The following PLXDC1 variants were observed in gnomAD, a reference collection of about 807,000 sequenced individuals.
The protein encoded by PLXDC1 is plexin domain containing 1.
A neutral mutation model predicts 61.3 loss-of-function variants in PLXDC1; 39 were observed. The observed-to-expected ratio is 0.64, with a 90% CI of 0.49 to 0.83. PLXDC1 has a LOEUF of 0.83. Ranked by LOEUF, PLXDC1 falls within the 40% of genes least tolerant of loss-of-function variation. The probability of loss-of-function intolerance (pLI) is 0.00; values close to 1 mark genes in which losing one functional copy is unlikely to be tolerated. For synonymous variants in PLXDC1, 212 were observed against 254.5 expected, an observed-to-expected ratio of 0.83 and a Z score of 1.59; for missense variants, 596 against 666.5, an observed-to-expected ratio of 0.89 and a Z score of 1.17.
chr17:39,109,243 C>T lies in PLXDC1; in HGVS notation c.399+5G>A, dbSNP rs754115928. Reference sequence around the variant, plus strand: ...GGAAGCATGGCTGGCGACTGGGGCACTCACCGAAGCCTGCCGGTGGGTGTT... The same window carrying T: ...GGAAGCATGGCTGGCGACTGGGGCATTCACCGAAGCCTGCCGGTGGGTGTT... On this transcript the variant is annotated splice_donor_5th_base_variant and intron_variant, in intron 3 of 13. Coordinates refer to ENST00000315392, the MANE Select transcript of PLXDC1 (RefSeq NM_020405.5). 18 of 1,602,096 alleles carry T rather than the reference C, an allele frequency of 1.1e-5. No homozygotes were observed. The South Asian group carries it at 2.0e-4, about 18-fold the overall frequency.
At chr17:39,087,237 T>G (rs560756831) in intron 8 of PLXDC1, among the ~76,000 whole-genome samples, 53 of 152,280 alleles carry the variant, frequency 3.5e-4, no homozygotes, top group African/African-American at 1.3e-3. Flanking sequence ...CTGAGGCCCG[T>G]CTAGTTCCTG....
intron 11 of PLXDC1, 130 bp from the exon 12 acceptor site, chr17:39,072,615 G>C: frequency 5.7e-6 from 4 of 706,362 alleles, no homozygotes; most frequent in Non-Finnish European, 5.2e-6. Context: ...GGCTCAGAGA[G>C]GGGAGGAGAC....
rs765774886 is a variant in PLXDC1 at position 39,086,859 on chromosome 17, CAAAAAAAAA to C, written c.907+739_907+747del. Reference sequence around the variant, plus strand: ...CCTGGGCAACAGAGTGAGACTGTCTCAAAAAAAAAAAAAAAAAAAAAGAAGAAGAAAAAG... The same window carrying C: ...CCTGGGCAACAGAGTGAGACTGTCTCAAAAAAAAAAAAGAAGAAGAAAAAG... On this transcript the variant is annotated intron_variant, in intron 8 of 13. Transcript: ENST00000315392. 8.4e-5 allele frequency among the ~76,000 whole-genome samples: 6 copies of C among 71,522 alleles called. No individual in the cohort carries two copies. In the Admixed American group the frequency reaches 9.4e-4, roughly 11 times the overall value. The allele number at this position is 71,522 out of a possible 152,430, so 46.9% of individuals were successfully genotyped here. A position where few individuals can be genotyped will look rare whatever the true frequency, so the allele number is the denominator to read the frequency against.
chr17:39,081,834 A>T (rs910589121), intron 9 of PLXDC1, among the ~76,000 whole-genome samples: 1 of 151,876 alleles, frequency 6.6e-6, no homozygotes, highest in African/African-American at 2.4e-5. Context: ...TTTCAACTAC[A>T]GGGGGGACTG....
At chr17:39,095,525 A>G (rs1034900118) in intron 7 of PLXDC1, among the ~76,000 whole-genome samples, 10 of 151,932 alleles carry the variant, frequency 6.6e-5, no homozygotes, top group African/African-American at 2.4e-4. Context: ...CTGGCAGTTT[A>G]AGGTGTTCTG....
At chr17:39,088,892 T>G (rs1174864187) in intron 7 of PLXDC1, among the ~76,000 whole-genome samples, 1 of 128,558 alleles carries the variant, frequency 7.8e-6, no homozygotes. Context: ...GAGGTTGCAG[T>G]CAGCTGAGAT....
intron 1 of PLXDC1, among the ~76,000 whole-genome samples, chr17:39,150,432 C>A (rs551893035): frequency 1.3e-5 from 2 of 152,160 alleles, no homozygotes; most frequent in Non-Finnish European, 2.9e-5. Flanking sequence ...TGAGGGGCAC[C>A]CATGCCAATG....
intron 2 of PLXDC1, among the ~76,000 whole-genome samples, chr17:39,124,970 C>T (rs72823320): frequency 0.048 from 7,353 of 152,218 alleles, 251 homozygotes; most frequent in Non-Finnish European, 0.07. Context: ...CAGGCCACTA[C>T]GCCCAGCTAA....
rs528755891 is a variant in PLXDC1 at position 39,100,853 on chromosome 17, G to A, written c.811+5001C>T. ...TAATACTTGATAGAGGACTGGGAGC[G>A]CAGGGGGCTAAGGGGAGGGCAGGAG... On this transcript the variant is annotated intron_variant, in intron 7 of 13. Coordinates refer to ENST00000315392, the MANE Select transcript of PLXDC1 (RefSeq NM_020405.5). 2.5e-3 allele frequency among the ~76,000 whole-genome samples: 379 copies of A among 152,340 alleles called. 2 individuals carry two copies. Among genetic ancestry groups the A allele is most frequent in the Middle Eastern group, 0.014 (4 of 294 alleles).
intron 5 of PLXDC1, chr17:39,107,740 A>G: frequency 1.7e-6 from 1 of 603,592 alleles, no homozygotes; most frequent in Non-Finnish European, 3.0e-6. Flanking sequence ...AGCCCCAGAT[A>G]CTGTACTTGA....
intron 2 of PLXDC1, among the ~76,000 whole-genome samples, chr17:39,119,394 T>C (rs1461878596): frequency 6.6e-6 from 1 of 152,218 alleles, no homozygotes; most frequent in Admixed American, 6.5e-5. Context: ...CTATACATTA[T>C]ATGTATTGAA....
At position 39,151,398 on chromosome 17, in the gene PLXDC1, C is replaced by G. The variant is rs1777139463; in HGVS notation, c.40G>C (p.Glu14Gln). 2.3e-6 allele frequency: 3 copies of G among 1,297,562 alleles called. No homozygotes were observed. The highest frequency in any genetic ancestry group is 9.8e-7 in the Non-Finnish European group (1 of 1,021,250). The allele number at this position is 1,297,562 out of a possible 1,614,324, so 80.4% of individuals were successfully genotyped here. The change falls in exon 1 of 14, where the codon GAG (glutamate) becomes CAG (glutamine). Residue 14 changes from glutamate (E) to glutamine (Q), a missense_variant. Glu to Gln is a conservative substitution (Grantham distance 29, BLOSUM62 2). Coordinates refer to ENST00000315392, the MANE Select transcript of PLXDC1 (RefSeq NM_020405.5). The surrounding 1 kb of genome is among the most constrained non-coding windows in gnomAD (Gnocchi z 5.2). ...ELWLLVLVLREAARALSPQPG... is the reference protein window; with the variant it reads ...ELWLLVLVLRQAARALSPQPG... The stretch of plus-strand genomic sequence containing the variant: ...TGGGGGCTCAGCGCCCGGGCAGCCT[C>G]CCTGAGCACCAGCACCAGGAGCCAG...
intron 2 of PLXDC1, among the ~76,000 whole-genome samples, chr17:39,132,848 C>G (rs1459093118): frequency 1.3e-5 from 2 of 152,054 alleles, no homozygotes; most frequent in East Asian, 3.9e-4. Flanking sequence ...GGCAGCCCAC[C>G]CGCCAGCCCT....
intron 2 of PLXDC1, among the ~76,000 whole-genome samples, chr17:39,113,467 G>T (rs1210204382): frequency 1.3e-5 from 2 of 152,168 alleles, no homozygotes; most frequent in Admixed American, 1.3e-4. Context: ...CCTTGCTTAG[G>T]CCATTCTGTG....
rs112857649 is a variant in PLXDC1, at chr17:39,141,498, T to C, written c.77-1666A>G. On this transcript the variant is annotated intron_variant, in intron 1 of 13. Coordinates refer to ENST00000315392, the MANE Select transcript of PLXDC1 (RefSeq NM_020405.5). ...CTTTTGAAGGCTGAATAATATTCCATTGTGTGGATATACCACATTTTGCTA... is the reference window on the plus strand; with the variant it reads ...CTTTTGAAGGCTGAATAATATTCCACTGTGTGGATATACCACATTTTGCTA... 2.7e-3 allele frequency among the ~76,000 whole-genome samples: 419 copies of C among 152,364 alleles called. 1 individual carries two copies. Among genetic ancestry groups the C allele is most frequent in the African/African-American group, 9.8e-3 (407 of 41,592 alleles).
chr17:39,147,578 A>G (rs1204933000), intron 1 of PLXDC1, among the ~76,000 whole-genome samples: 1 of 150,876 alleles, frequency 6.6e-6, no homozygotes, highest in African/African-American at 2.4e-5. Flanking sequence ...TCTGGCAGGT[A>G]GGGACCCACT....
intron 2 of PLXDC1, chr17:39,126,931 G>A (rs998379952): frequency 6.6e-6 from 1 of 152,180 alleles, no homozygotes; most frequent in Admixed American, 6.5e-5. Context: ...GATTCTGCAG[G>A]TCTGAGGACT....
At chr17:39,071,399 G>T (rs912208202) in intron 12 of PLXDC1, among the ~76,000 whole-genome samples, 1 of 152,132 alleles carries the variant, frequency 6.6e-6, no homozygotes. Flanking sequence ...ACTAGGGGTG[G>T]CAAGTTTTAA....
chr17:39,105,943 G>C lies in PLXDC1; in HGVS notation c.722C>G (p.Ser241Cys). ...CTGGGAGGAGCTGATTTCCGGGACA[G>C]ACATAGGGATCTGCGGCAGGGAGAA... ...IVFAYKEIPM[S>C]VPEISSSQHP... is the part of the protein sequence containing the mutation. Residue 241 changes from serine (S) to cysteine (C), a missense_variant, in exon 7 of 14, where the codon TCT (serine) becomes TGT (cysteine). Coordinates refer to ENST00000315392, the MANE Select transcript of PLXDC1 (RefSeq NM_020405.5). 1.2e-6 allele frequency: 2 copies of C among 1,613,158 alleles called. No homozygotes were observed. Among genetic ancestry groups the C allele is most frequent in the Non-Finnish European group, 1.7e-6 (2 of 1,179,152 alleles).
Sources: gnomAD v4.1 joint callset for allele counts (sites outside exome capture counted in the v4.1 genomes callset) on GRCh38, gnomAD v4.1.1 for gene constraint, Gnocchi (gnomAD v3.1) non-coding constraint, MANE v1.5 for transcripts, NCBI Gene and HGNC (gene_info 2026-07-23, HGNC 2026-07-21) for gene names.